TGFB3: variants seen among roughly 807,000 people sequenced by gnomAD.
TGFB3 encodes the protein transforming growth factor beta 3, also known as transforming growth factor beta-3 proprotein.
A neutral mutation model predicts 40.1 loss-of-function variants in TGFB3; 5 were observed. The observed-to-expected ratio is 0.12, with a 90% confidence interval of 0.07 to 0.26. The LOEUF is 0.26. Ranked by LOEUF, TGFB3 falls within the 10% of genes least tolerant of loss-of-function variation. TGFB3 has a pLI of 1.00. For missense variants in TGFB3, 373 were observed against 530.1 expected (o/e 0.70, Z 2.91); for synonymous variants, 184 against 205.6 (o/e 0.89, Z 0.90).
At position 75,979,952 on chromosome 14, in the gene TGFB3, G is replaced by A. The variant is rs77491583; in HGVS notation, c.352+590C>T. 5.9e-5 allele frequency among the ~76,000 whole-genome samples: 9 copies of A among 152,324 alleles called. No individual in the cohort carries two copies. The highest frequency in any genetic ancestry group is 2.6e-4 in the Admixed American group (4 of 15,308). On this transcript the variant is annotated intron_variant, in intron 1 of 6. Coordinates refer to ENST00000238682, the MANE Select transcript of TGFB3 (RefSeq NM_003239.5). This position sits in a 1 kb window ranked among gnomAD's most constrained non-coding sequence, Gnocchi z 4.8. ...CACACACACAGCTCACGTGGGTCTC[G>A]TGGGTCACGTGGGTGGGGTAGACCA...
rs997064094 is a variant in TGFB3 at position 75,978,065 on chromosome 14, T to C, written c.352+2477A>G. ...CTGCACTACTAAAAAGTATTTCCTCTTTCATTTTCCTCTCCAGGGACCTCT... is the reference window on the plus strand; with the variant it reads ...CTGCACTACTAAAAAGTATTTCCTCCTTCATTTTCCTCTCCAGGGACCTCT... On this transcript the variant is annotated intron_variant, in intron 1 of 6. Transcript: ENST00000238682. The surrounding 1 kb of genome is among the most constrained non-coding windows in gnomAD (Gnocchi z 5.0). 6.6e-5 allele frequency among the ~76,000 whole-genome samples: 10 copies of C among 152,152 alleles called. No individual in the cohort carries two copies. Among genetic ancestry groups the C allele is most frequent in the Non-Finnish European group, 1.5e-4 (10 of 68,024 alleles).
chr14:75,960,812 A>G, intron 6 of TGFB3, 111 bp downstream of exon 6: 1 of 1,450,296 alleles, frequency 6.9e-7, no homozygotes, highest in Non-Finnish European at 9.5e-7. Flanking sequence ...AATTTTACTC[A>G]CCCCAGACCA....
chr14:75,971,748 G>A lies in TGFB3; in HGVS notation c.353-30C>T, dbSNP rs1172655990. 2 of 1,612,912 alleles carry A rather than the reference G, an allele frequency of 1.2e-6. No homozygotes were observed. The highest frequency in any genetic ancestry group is 2.7e-5 in the African/African-American group (2 of 74,936). On this transcript the variant is annotated intron_variant, in intron 1 of 6. Coordinates refer to ENST00000238682, the MANE Select transcript of TGFB3 (RefSeq NM_003239.5). This position sits in a 1 kb window ranked among gnomAD's most constrained non-coding sequence, Gnocchi z 4.5. The stretch of plus-strand genomic sequence containing the variant: ...GAGATAAAGCAGAGCAGAGGGCACA[G>A]CATGAGCGAGACATGCAGGAACAGT...
Position 75,971,543 on chromosome 14 carries a change from G to C in TGFB3, c.516+12C>G. 1 of 1,614,042 alleles carries C rather than the reference G, an allele frequency of 6.2e-7. No individual in the cohort carries two copies. On this transcript the variant is annotated intron_variant, in intron 2 of 6. Transcript: ENST00000238682. The surrounding 1 kb of genome is among the most constrained non-coding windows in gnomAD (Gnocchi z 4.5). ...CCCGTCGGTGTGGTTTCTGCTCTGAGAGAGGAGTTACCTGGAAGAGCTCGA... is the reference window on the plus strand; with the variant it reads ...CCCGTCGGTGTGGTTTCTGCTCTGACAGAGGAGTTACCTGGAAGAGCTCGA...
At chr14:75,959,381 CAA>C (rs772769505) in intron 6 of TGFB3, 36 bp from the exon 7 acceptor site, 18 of 1,612,688 alleles carry the variant, frequency 1.1e-5, no homozygotes, top group Non-Finnish European at 1.4e-5. Flanking sequence ...GTTGGAAGGC[CAA>C]GTCTCAGGCC....
At position 75,969,040 on chromosome 14, in the gene TGFB3, A is replaced by G. The variant is rs573568126; in HGVS notation, c.646+2086T>C. On this transcript the variant is annotated intron_variant, in intron 3 of 6. Coordinates refer to ENST00000238682, the MANE Select transcript of TGFB3 (RefSeq NM_003239.5). ...CGGTACTCATCTCTGACGGATGGTTATCAGGAAATCTTTCGATTTTTCAAA... is the reference window on the plus strand; with the variant it reads ...CGGTACTCATCTCTGACGGATGGTTGTCAGGAAATCTTTCGATTTTTCAAA... Among the ~76,000 whole-genome samples the G allele has an allele frequency of 2.0e-5, 3 of 152,324 alleles. No homozygotes were observed. The South Asian group carries it at 6.2e-4, about 32-fold the overall frequency.
In TGFB3 at chr14:75,980,410, C is replaced by T. The variant is rs1476911200; in HGVS notation, c.352+132G>A. On this transcript the variant is annotated intron_variant, in intron 1 of 6. Coordinates refer to ENST00000238682, the MANE Select transcript of TGFB3 (RefSeq NM_003239.5). This position sits in a 1 kb window ranked among gnomAD's most constrained non-coding sequence, Gnocchi z 4.3. ...CCAGCCCCAACGGAGGAGCATCGCA[C>T]ATCCTGAGCCTTGGTGCTGGTGAAT... 4 of 953,056 alleles carry T rather than the reference C, an allele frequency of 4.2e-6. No homozygotes were observed. In the African/African-American group the frequency reaches 4.8e-5, roughly 11 times the overall value. 59.0% of individuals were successfully genotyped at this position (953,056 alleles called of 1,614,324 possible). A position where few individuals can be genotyped will look rare whatever the true frequency, so the allele number is the denominator to read the frequency against.
At chr14:75,975,609 A>C (rs148445424) in intron 1 of TGFB3, among the ~76,000 whole-genome samples, 2 of 152,310 alleles carry the variant, frequency 1.3e-5, no homozygotes, top group Non-Finnish European at 2.9e-5. Context: ...AAAATTTATC[A>C]CTTGACAAAT....
chr14:75,972,063 T>C (rs556179026), intron 1 of TGFB3, among the ~76,000 whole-genome samples: 117 of 152,374 alleles, frequency 7.7e-4, no homozygotes, highest in African/African-American at 2.7e-3. Context: ...TAGAAAGATA[T>C]CAGCACCTAG....
At chr14:75,982,964 C>T (rs531066455), upstream of TGFB3, 53 of 152,458 alleles carry the variant, frequency 3.5e-4, no homozygotes, top group African/African-American at 1.3e-3. The surrounding 1 kb of genome is among the most constrained non-coding windows in gnomAD (Gnocchi z 4.0). Flanking sequence ...TCTGTGCTTT[C>T]GCTCCTCTTC....
intron 3 of TGFB3, 104 bp from the exon 4 acceptor site, chr14:75,965,799 C>G: frequency 1.1e-6 from 1 of 895,914 alleles, no homozygotes; most frequent in South Asian, 1.3e-5. Flanking sequence ...CCTATAGGGA[C>G]TCATAGGAAC....
chr14:75,978,047 A>C lies in TGFB3; in HGVS notation c.352+2495T>G, dbSNP rs2035376195. On this transcript the variant is annotated intron_variant, in intron 1 of 6. Transcript: ENST00000238682. The surrounding 1 kb of genome is among the most constrained non-coding windows in gnomAD (Gnocchi z 5.0). ...ACCTTGGTGCCCTTTCTCCTGCACT[A>C]CTAAAAAGTATTTCCTCTTTCATTT... Among the ~76,000 whole-genome samples the C allele has an allele frequency of 6.6e-6, 1 of 152,066 alleles. No individual in the cohort carries two copies. Among genetic ancestry groups the C allele is most frequent in the Non-Finnish European group, 1.5e-5 (1 of 68,024 alleles).
At chr14:75,976,337 C>G (rs528285767) in intron 1 of TGFB3, among the ~76,000 whole-genome samples, 1 of 152,188 alleles carries the variant, frequency 6.6e-6, no homozygotes, top group African/African-American at 2.4e-5. Context: ...TTCAAGATCT[C>G]CAGATGATTC....
At position 75,979,943 on chromosome 14, in the gene TGFB3, G is replaced by A. The variant is rs1313138958; in HGVS notation, c.352+599C>T. 6.6e-6 allele frequency among the ~76,000 whole-genome samples: 1 copy of A among 152,296 alleles called. No homozygotes were observed. Among genetic ancestry groups the A allele is most frequent in the South Asian group, 2.1e-4 (1 of 4,830 alleles). ...TCTTCCTTCCACACACACAGCTCACGTGGGTCTCGTGGGTCACGTGGGTGG... is the reference window on the plus strand; with the variant it reads ...TCTTCCTTCCACACACACAGCTCACATGGGTCTCGTGGGTCACGTGGGTGG... On this transcript the variant is annotated intron_variant, in intron 1 of 6. Coordinates refer to ENST00000238682, the MANE Select transcript of TGFB3 (RefSeq NM_003239.5). The surrounding 1 kb of genome is among the most constrained non-coding windows in gnomAD (Gnocchi z 4.8).
At chr14:75,965,465 C>T (rs183087355) in intron 4 of TGFB3, 123 bp downstream of exon 4, 20 of 800,202 alleles carry the variant, frequency 2.5e-5, no homozygotes, top group Middle Eastern at 4.5e-4. Context: ...ACAAAATAGT[C>T]GGCTATCTCT....
chr14:75,981,713 C>T lies in TGFB3; in HGVS notation c.-820G>A, dbSNP rs943569687. The T allele has an allele frequency of 1.3e-5, 2 of 152,562 alleles. No homozygotes were observed. Among genetic ancestry groups the T allele is most frequent in the African/African-American group, 4.8e-5 (2 of 41,470 alleles). 9.5% of individuals were successfully genotyped at this position (152,562 alleles called of 1,614,324 possible). A position where few individuals can be genotyped will look rare whatever the true frequency, so the allele number is the denominator to read the frequency against. On this transcript the variant is annotated 5_prime_UTR_variant, in exon 1 of 7. In the 5' UTR this introduces an upstream ATG that the reference lacks. Transcript: ENST00000238682. The surrounding 1 kb of genome is among the most constrained non-coding windows in gnomAD (Gnocchi z 4.7). ...ACTCAGACGCCCAGGGTCACCAGCA[C>T]CTCGGCTTGTCTTCTGCCTCGGCCA...
chr14:75,968,830 C>T (rs1297191389), intron 3 of TGFB3, among the ~76,000 whole-genome samples: 2 of 152,158 alleles, frequency 1.3e-5, no homozygotes, highest in African/African-American at 2.4e-5. Context: ...ATGTGACTTG[C>T]CTGGGCTCCG....
Position 75,979,233 on chromosome 14 carries a change from G to A in TGFB3, c.352+1309C>T, listed in dbSNP as rs1299853649. On this transcript the variant is annotated intron_variant, in intron 1 of 6. Transcript: ENST00000238682. The surrounding 1 kb of genome is among the most constrained non-coding windows in gnomAD (Gnocchi z 4.8). ...CTGCCTGGCGTGGAGCCGTGAACGG[G>A]GCCTTTGCACCTCCAGCCAGAGCTG... Among the ~76,000 whole-genome samples the A allele has an allele frequency of 6.6e-6, 1 of 152,116 alleles. No individual in the cohort carries two copies. Among genetic ancestry groups the A allele is most frequent in the Non-Finnish European group, 1.5e-5 (1 of 68,014 alleles).
Position 75,958,958 on chromosome 14 carries a change from G to A in TGFB3, c.*229C>T, listed in dbSNP as rs886848856. On this transcript the variant is annotated 3_prime_UTR_variant, in exon 7 of 7. Coordinates refer to ENST00000238682, the MANE Select transcript of TGFB3 (RefSeq NM_003239.5). ...TCACAGAAAGTCTGTGTGTTCTGAAGAGTTCAGCCTTCCTCTAACCAAACC... is the reference window on the plus strand; with the variant it reads ...TCACAGAAAGTCTGTGTGTTCTGAAAAGTTCAGCCTTCCTCTAACCAAACC... 1 of 561,826 alleles carries A rather than the reference G, an allele frequency of 1.8e-6. No individual in the cohort carries two copies. The highest frequency in any genetic ancestry group is 1.9e-5 in the African/African-American group (1 of 53,382). The allele number at this position is 561,826 out of a possible 1,614,324, so 34.8% of individuals were successfully genotyped here.
Sources: allele counts gnomAD v4.1 joint callset (sites outside exome capture counted in the v4.1 genomes callset), GRCh38; gene constraint gnomAD v4.1.1; non-coding constraint Gnocchi (gnomAD v3.1); transcripts MANE v1.5; gene names NCBI Gene and HGNC (gene_info 2026-07-23, HGNC 2026-07-21).